The following FGFR2 variants were observed in gnomAD, a reference collection of about 807,000 sequenced individuals.
FGFR2 encodes BEK fibroblast growth factor receptor.
Under a neutral mutation model 95.9 loss-of-function variants are expected in FGFR2, and 19 were observed. The observed-to-expected ratio is 0.20, with a 90% confidence interval of 0.14 to 0.29. The LOEUF is 0.29. Ranked by LOEUF, FGFR2 falls within the 10% of genes least tolerant of loss-of-function variation. The probability of loss-of-function intolerance (pLI) is 1.00; values close to 1 mark genes in which losing one functional copy is unlikely to be tolerated. For synonymous variants in FGFR2, 392 were observed against 393.3 expected (o/e 1.00, Z 0.04); for missense variants, 707 against 1,056.9 (o/e 0.67, Z 4.59).
intron 2 of FGFR2, among the ~76,000 whole-genome samples, chr10:121,579,554 T>C (rs1445515982): frequency 1.3e-5 from 2 of 152,240 alleles, no homozygotes; most frequent in East Asian, 3.8e-4. Flanking sequence ...CCATGTATGA[T>C]GCCTGTTTAA....
chr10:121,591,605 G>A (rs1179680064), intron 2 of FGFR2, among the ~76,000 whole-genome samples: 1 of 152,182 alleles, frequency 6.6e-6, no homozygotes, highest in East Asian at 1.9e-4. Flanking sequence ...TGAGGCCTGG[G>A]ACTTGTATAC....
At chr10:121,583,717 C>T (rs569346744) in intron 2 of FGFR2, 3 of 152,830 alleles carry the variant, frequency 2.0e-5, no homozygotes, top group South Asian at 4.2e-4. Context: ...AATAGTCAAA[C>T]GACAGATTTA....
At chr10:121,575,292 C>T (rs1269820113) in intron 2 of FGFR2, among the ~76,000 whole-genome samples, 1 of 152,112 alleles carries the variant, frequency 6.6e-6, no homozygotes, top group Non-Finnish European at 1.5e-5. Context: ...CACCGTGTCT[C>T]CCAATGTCCC....
intron 2 of FGFR2, among the ~76,000 whole-genome samples, chr10:121,567,383 T>C (rs1279171173): frequency 6.6e-6 from 1 of 152,144 alleles, no homozygotes; most frequent in Non-Finnish European, 1.5e-5. Flanking sequence ...AAATGTAACA[T>C]GGACAAATGC....
At chr10:121,560,332 G>A (rs945249117) in intron 4 of FGFR2, among the ~76,000 whole-genome samples, 8 of 152,106 alleles carry the variant, frequency 5.3e-5, no homozygotes, top group African/African-American at 1.7e-4. Context: ...AGAAGTGAGT[G>A]GGCCAGGTGC....
At chr10:121,565,395 G>A (rs1857526851) in intron 3 of FGFR2, 43 bp downstream of exon 3, 1 of 1,611,702 alleles carries the variant, frequency 6.2e-7, no homozygotes, top group Non-Finnish European at 8.5e-7. Flanking sequence ...AAAATGTAAT[G>A]GCTACAGAGA....
At chr10:121,572,790 G>T (rs1053621420) in intron 2 of FGFR2, among the ~76,000 whole-genome samples, 2 of 152,168 alleles carry the variant, frequency 1.3e-5, no homozygotes, top group Non-Finnish European at 2.9e-5. Flanking sequence ...ACTGAGGCAG[G>T]GGCTGCCTGA....
At position 121,483,296 on chromosome 10, in the gene FGFR2, G is replaced by C. The variant is rs186182692; in HGVS notation, c.2301+402C>G. On this transcript the variant is annotated intron_variant, in intron 17 of 17. Transcript: ENST00000358487. ...CTTCATTGTATTCCATCAAGCAAATGATGACGAACATTATCAGTTTACCCA... is the reference window on the plus strand; with the variant it reads ...CTTCATTGTATTCCATCAAGCAAATCATGACGAACATTATCAGTTTACCCA... Among the ~76,000 whole-genome samples the C allele has an allele frequency of 1.6e-4, 24 of 152,244 alleles. 1 individual carries two copies. Among genetic ancestry groups the C allele is most frequent in the South Asian group, 8.3e-4 (4 of 4,820 alleles).
rs201911882 is a variant in FGFR2, at chr10:121,546,746, C to T, written c.624+4544G>A. On this transcript the variant is annotated intron_variant, in intron 5 of 17. Coordinates refer to ENST00000358487, the MANE Select transcript of FGFR2 (RefSeq NM_000141.5). ...GCTGCCGAGGTGCCCAATCCATAAA[C>T]GGGTAGAAAGAATGAGATGGACAGG... 2.6e-5 allele frequency among the ~76,000 whole-genome samples: 4 copies of T among 152,046 alleles called. No homozygotes were observed. In the East Asian group the frequency reaches 7.7e-4, roughly 29 times the overall value.
rs1254144670 is a variant in FGFR2, at chr10:121,518,635, T to C, written c.940-1172A>G. 6.2e-7 allele frequency: 1 copy of C among 1,612,624 alleles called. No homozygotes were observed. The highest frequency in any genetic ancestry group is 1.7e-5 in the Admixed American group (1 of 60,002). On this transcript the variant is annotated intron_variant, in intron 7 of 17. Transcript: ENST00000358487. This position sits in a 1 kb window ranked among gnomAD's most constrained non-coding sequence, Gnocchi z 4.0. ...AAGCACCAAGTCTTTTCAGCTTCTATATCCAGCTTTCTTTTTAAAAAAAGA... is the reference window on the plus strand; with the variant it reads ...AAGCACCAAGTCTTTTCAGCTTCTACATCCAGCTTTCTTTTTAAAAAAAGA...
intron 2 of FGFR2, among the ~76,000 whole-genome samples, chr10:121,582,270 TCC>T (rs1055481378): frequency 5.9e-5 from 9 of 152,028 alleles, no homozygotes; most frequent in Non-Finnish European, 7.4e-5. Context: ...AGAGCCTGTC[TCC>T]CCCACTCAAC....
chr10:121,580,682 G>GA (rs764376853), intron 2 of FGFR2, among the ~76,000 whole-genome samples: 1 of 152,138 alleles, frequency 6.6e-6, no homozygotes, highest in African/African-American at 2.4e-5. Flanking sequence ...GCAGAGGAAA[G>GA]AAAAACTCTC....
At chr10:121,509,578 G>A (rs1262403595) in intron 9 of FGFR2, among the ~76,000 whole-genome samples, 2 of 145,962 alleles carry the variant, frequency 1.4e-5, no homozygotes, top group Non-Finnish European at 3.0e-5. Context: ...CCGCCTACCG[G>A]GTTCAAGTGA....
intron 6 of FGFR2, chr10:121,526,044 C>G: frequency 2.5e-6 from 1 of 396,362 alleles, no homozygotes; most frequent in Non-Finnish European, 4.4e-6. Context: ...CACGGAGTTC[C>G]CAGTATTGAT....
intron 2 of FGFR2, among the ~76,000 whole-genome samples, chr10:121,589,666 A>G (rs757600159): frequency 7.2e-5 from 11 of 152,220 alleles, no homozygotes; most frequent in Non-Finnish European, 1.3e-4. Flanking sequence ...TTTCTGCTCT[A>G]TAAGTAATAT....
In FGFR2 at chr10:121,479,690, T is replaced by C. The variant is rs778501615; in HGVS notation, c.*167A>G. On this transcript the variant is annotated 3_prime_UTR_variant, in exon 18 of 18. Coordinates refer to ENST00000358487, the MANE Select transcript of FGFR2 (RefSeq NM_000141.5). ...CTCCTCCTGGGGAAGATTACAAGTT[T>C]TCAACTGTATAAATCTTTACACATA... is the stretch of plus-strand genomic sequence containing the variant. The C allele has an allele frequency of 1.8e-5, 28 of 1,568,228 alleles. No homozygotes were observed. Among genetic ancestry groups the C allele is most frequent in the Non-Finnish European group, 2.1e-5 (24 of 1,155,628 alleles).
Position 121,518,934 on chromosome 10 carries a change from C to T in FGFR2, c.939+1045G>A. 7.2e-7 allele frequency: 1 copy of T among 1,392,686 alleles called. No homozygotes were observed. Among genetic ancestry groups the T allele is most frequent in the East Asian group, 2.3e-5 (1 of 43,452 alleles). The allele number at this position is 1,392,686 out of a possible 1,614,324, so 86.3% of individuals were successfully genotyped here. ...CGCAAGAAAACAAACTCCATTACGT[C>T]TAAACAGCGGCATTAAAGGGCTGCG... On this transcript the variant is annotated intron_variant, in intron 7 of 17. Transcript: ENST00000358487. The surrounding 1 kb of genome is among the most constrained non-coding windows in gnomAD (Gnocchi z 4.0).
chr10:121,529,878 G>C (rs1851870731), intron 6 of FGFR2, among the ~76,000 whole-genome samples: 1 of 152,270 alleles, frequency 6.6e-6, no homozygotes, highest in East Asian at 1.9e-4. Context: ...CAAGGATAGA[G>C]AATTAACCAC....
intron 4 of FGFR2, among the ~76,000 whole-genome samples, chr10:121,557,954 T>C (rs1257100484): frequency 1.3e-5 from 2 of 152,120 alleles, no homozygotes; most frequent in South Asian, 2.1e-4. Flanking sequence ...GAAACCAAAA[T>C]AGAAAATTAC....
Sources: gnomAD v4.1 joint callset for allele counts (sites outside exome capture counted in the v4.1 genomes callset) on GRCh38, gnomAD v4.1.1 for gene constraint, Gnocchi (gnomAD v3.1) non-coding constraint, MANE v1.5 for transcripts, NCBI Gene and HGNC (gene_info 2026-07-23, HGNC 2026-07-21) for gene names.